SAMD12: variants seen among roughly 807,000 people sequenced by gnomAD.
The protein encoded by SAMD12 is sterile alpha motif domain-containing protein 12.
SAMD12 carries 9 observed loss-of-function variants against 15.0 expected under a neutral mutation model. The ratio of observed to expected loss-of-function variants is 0.60; its 90% CI spans 0.36 to 1.05. SAMD12 has a LOEUF of 1.05. Ranked by LOEUF, SAMD12 falls within the 50% of genes least tolerant of loss-of-function variation. SAMD12 has a pLI of 0.01. For synonymous variants in SAMD12, 86 were observed against 90.1 expected (o/e 0.96, Z 0.25); for missense variants, 230 against 234.2 (o/e 0.98, Z 0.12).
chr8:118,133,033 T>G, the SAMD12 span, among the ~76,000 whole-genome samples: 1 of 120,092 alleles, frequency 8.3e-6, no homozygotes, highest in Non-Finnish European at 1.7e-5. Context: ...TATATCTTAT[T>G]ACTTAATATG....
At chr8:118,548,382 C>CAT in intron 2 of SAMD12, among the ~76,000 whole-genome samples, 1 of 106,736 alleles carries the variant, frequency 9.4e-6, no homozygotes, top group East Asian at 2.7e-4. Context: ...TAAAAACACA[C>CAT]ATACACACAC....
intron 4 of SAMD12, among the ~76,000 whole-genome samples, chr8:118,293,445 T>C (rs1336566271): frequency 6.6e-6 from 1 of 152,222 alleles, no homozygotes; most frequent in Non-Finnish European, 1.5e-5. Flanking sequence ...AGGCTAGGCA[T>C]TTAACCAATA....
chr8:118,609,193 G>T (rs1238835188), intron 1 of SAMD12, among the ~76,000 whole-genome samples: 1 of 152,116 alleles, frequency 6.6e-6, no homozygotes. Flanking sequence ...TAGTGTGGTG[G>T]GCTACATCAA....
chr8:118,301,460 C>T (rs1334443412), intron 4 of SAMD12, among the ~76,000 whole-genome samples: 2 of 152,162 alleles, frequency 1.3e-5, no homozygotes, highest in African/African-American at 4.8e-5. Flanking sequence ...CCATCATAAG[C>T]CCATAAATGA....
intron 1 of SAMD12, among the ~76,000 whole-genome samples, chr8:118,590,069 C>G (rs1258954564): frequency 6.6e-6 from 1 of 152,056 alleles, no homozygotes. Context: ...CCTCGTATAT[C>G]CCAGACTTAG....
At chr8:118,390,448 A>T (rs561308052) in intron 3 of SAMD12, among the ~76,000 whole-genome samples, 2 of 152,262 alleles carry the variant, frequency 1.3e-5, no homozygotes, top group African/African-American at 4.8e-5. Flanking sequence ...TGTGTAGCCT[A>T]TTCTAAATCA....
At chr8:118,289,863 C>G (rs1429431258) in intron 4 of SAMD12, among the ~76,000 whole-genome samples, 1 of 152,122 alleles carries the variant, frequency 6.6e-6, no homozygotes, top group South Asian at 2.1e-4. Flanking sequence ...TTTTGAGATA[C>G]AGAGAGTAAA....
At chr8:118,402,281 C>T (rs927346531) in intron 3 of SAMD12, among the ~76,000 whole-genome samples, 3 of 152,000 alleles carry the variant, frequency 2.0e-5, no homozygotes, top group Admixed American at 6.6e-5. Context: ...GTTGGGTCAC[C>T]GGAGGTACTT....
chr8:118,412,844 T>A (rs1010848990), intron 3 of SAMD12, among the ~76,000 whole-genome samples: 2 of 152,196 alleles, frequency 1.3e-5, no homozygotes, highest in Admixed American at 1.3e-4. Flanking sequence ...AATAGGTAGC[T>A]GAAACAGTTC....
chr8:118,563,814 T>C (rs1465148948), intron 2 of SAMD12, among the ~76,000 whole-genome samples: 5 of 152,218 alleles, frequency 3.3e-5, no homozygotes, highest in Admixed American at 3.3e-4. Flanking sequence ...ACCATTTCTT[T>C]TCCCTCTATT....
intron 2 of SAMD12, among the ~76,000 whole-genome samples, chr8:118,478,898 A>G (rs777057088): frequency 1.3e-5 from 2 of 152,222 alleles, no homozygotes; most frequent in Non-Finnish European, 2.9e-5. Context: ...CAATGAAAAT[A>G]TGTCATAATT....
intron 4 of SAMD12, among the ~76,000 whole-genome samples, chr8:118,322,222 T>C (rs1216717886): frequency 1.3e-5 from 2 of 152,228 alleles, no homozygotes; most frequent in East Asian, 3.9e-4. Context: ...CCTCCCACAA[T>C]TACTCTCTCT....
intron 3 of SAMD12, among the ~76,000 whole-genome samples, chr8:118,391,253 C>T (rs1260695007): frequency 6.6e-6 from 1 of 152,132 alleles, no homozygotes; most frequent in Non-Finnish European, 1.5e-5. Flanking sequence ...AAGTCTAGTA[C>T]CAACATAATG....
chr8:118,539,854 C>T (rs1350892644), intron 2 of SAMD12, among the ~76,000 whole-genome samples: 1 of 152,162 alleles, frequency 6.6e-6, no homozygotes, highest in East Asian at 1.9e-4. Context: ...AAGATATATG[C>T]ACATAGAAGC....
exon 5 of SAMD12, chr8:118,194,490 C>T (rs1819500203): frequency 6.6e-6 from 1 of 152,090 alleles, no homozygotes; most frequent in Non-Finnish European, 1.5e-5. Flanking sequence ...TGGAAATAAG[C>T]GAATCCCCTT....
At chr8:118,395,094 G>A (rs1249294767) in intron 3 of SAMD12, 2 of 152,080 alleles carry the variant, frequency 1.3e-5, no homozygotes, top group Admixed American at 1.3e-4. Context: ...TTAATACAGA[G>A]AAAAGCACTT....
intron 3 of SAMD12, among the ~76,000 whole-genome samples, chr8:118,432,843 C>T (rs901952151): frequency 6.6e-6 from 1 of 152,114 alleles, no homozygotes; most frequent in Non-Finnish European, 1.5e-5. Context: ...AACACCATCA[C>T]CACCACCCCT....
intron 4 of SAMD12, among the ~76,000 whole-genome samples, chr8:118,263,652 T>C (rs553544912): frequency 1.3e-5 from 2 of 152,154 alleles, no homozygotes; most frequent in African/African-American, 4.8e-5. Context: ...AATTCCATGG[T>C]GAAGGCCGAG....
In SAMD12 at chr8:118,546,679, C is replaced by G. The variant is rs570220308; in HGVS notation, c.192+34036G>C. Among the ~76,000 whole-genome samples the G allele has an allele frequency of 2.6e-5, 4 of 152,318 alleles. No homozygotes were observed. In the East Asian group the frequency reaches 7.7e-4, roughly 29 times the overall value. On this transcript the variant is annotated intron_variant, in intron 2 of 3. Transcript: ENST00000314727. ...GGAAAGCCCCGCTGCACCTCTCTAACCCCGCATTCCTCCATTTAGGCACTT... is the reference window on the plus strand; with the variant it reads ...GGAAAGCCCCGCTGCACCTCTCTAAGCCCGCATTCCTCCATTTAGGCACTT...
Sources: gnomAD v4.1 joint callset for allele counts (sites outside exome capture counted in the v4.1 genomes callset) on GRCh38, gnomAD v4.1.1 for gene constraint, MANE v1.5 for transcripts, NCBI Gene and HGNC (gene_info 2026-07-23, HGNC 2026-07-21) for gene names.